The following OR4N2 variants were observed in gnomAD, a reference collection of about 807,000 sequenced individuals.
The protein encoded by OR4N2 is olfactory receptor family 4 subfamily N member 2.
For missense variants in OR4N2, 307 were observed against 377.6 expected, an observed-to-expected ratio of 0.81 and a Z score of 1.55; for synonymous variants, 141 against 140.4, an observed-to-expected ratio of 1.00 and a Z score of -0.03.
chr14:19,820,534 C>T (rs983715835), intron 1 of OR4N2, among the ~76,000 whole-genome samples: 2 of 152,234 alleles, frequency 1.3e-5, no homozygotes, highest in African/African-American at 2.4e-5. Flanking sequence ...CCCACAGCCG[C>T]CCTTCCCCCC....
At chr14:19,806,297 C>A (rs1452254740) in intron 1 of OR4N2, among the ~76,000 whole-genome samples, 1 of 151,750 alleles carries the variant, frequency 6.6e-6, no homozygotes, top group Non-Finnish European at 1.5e-5. Context: ...GATAAAAAGG[C>A]AAGACACCAC....
At chr14:19,808,963 C>T (rs1266483230) in intron 1 of OR4N2, among the ~76,000 whole-genome samples, 1 of 152,188 alleles carries the variant, frequency 6.6e-6, no homozygotes, top group Admixed American at 6.5e-5. Context: ...AGAAATAAAT[C>T]CATGCACTTA....
intron 1 of OR4N2, among the ~76,000 whole-genome samples, chr14:19,811,890 A>G (rs1403945208): frequency 1.3e-5 from 2 of 152,282 alleles, no homozygotes; most frequent in African/African-American, 4.8e-5. Context: ...GATTAGGAAG[A>G]ATGCAAGTAT....
intron 1 of OR4N2, among the ~76,000 whole-genome samples, chr14:19,819,324 A>G (rs1215782585): frequency 5.9e-5 from 9 of 152,242 alleles, no homozygotes; most frequent in African/African-American, 1.9e-4. Context: ...AGGTACACCA[A>G]TCAAACGTAG....
At position 19,806,329 on chromosome 14, in the gene OR4N2, CAA is replaced by C. The variant is rs1201672694; in HGVS notation, c.-10+2486_-10+2487del. Among the ~76,000 whole-genome samples the C allele has an allele frequency of 6.6e-3, 1,002 of 151,814 alleles. 4 individuals are homozygous for C. The highest frequency in any genetic ancestry group is 0.012 in the Non-Finnish European group (785 of 67,668). On this transcript the variant is annotated intron_variant, in intron 1 of 1. Transcript: ENST00000557677. ...CCACTGTCTGTTGTCTTGAAGAGAC[CAA>C]TCTATATGTAATGAAACCCACAGGG...
At chr14:19,819,764 T>A (rs1304577242) in intron 1 of OR4N2, among the ~76,000 whole-genome samples, 2 of 152,262 alleles carry the variant, frequency 1.3e-5, no homozygotes, top group Non-Finnish European at 2.9e-5. Flanking sequence ...AGAAGAGGTG[T>A]TCTGGTTTTT....
intron 1 of OR4N2, among the ~76,000 whole-genome samples, chr14:19,817,569 A>T (rs1019570603): frequency 2.6e-5 from 4 of 151,932 alleles, no homozygotes; most frequent in African/African-American, 9.7e-5. Context: ...TGTCTATTTG[A>T]TTCTTCTTTC....
chr14:19,812,302 CTTTTTTT>C (rs202011658), intron 1 of OR4N2, among the ~76,000 whole-genome samples: 8 of 132,198 alleles, frequency 6.1e-5, no homozygotes, highest in African/African-American at 2.2e-4. Flanking sequence ...TTTGACTTTT[CTTTTTTT>C]TTTTCTTTTC....
chr14:19,820,543 C>T (rs1202515864), intron 1 of OR4N2, among the ~76,000 whole-genome samples: 3 of 152,240 alleles, frequency 2.0e-5, no homozygotes, highest in South Asian at 4.1e-4. Flanking sequence ...GCCCTTCCCC[C>T]CAGGTGCTCT....
chr14:19,820,314 T>C (rs1453090221), intron 1 of OR4N2, among the ~76,000 whole-genome samples: 1 of 152,290 alleles, frequency 6.6e-6, no homozygotes, highest in Non-Finnish European at 1.5e-5. Flanking sequence ...AGTTATTTCT[T>C]GTCTTCTGCT....
intron 1 of OR4N2, among the ~76,000 whole-genome samples, chr14:19,805,798 T>C (rs1315717665): frequency 1.3e-5 from 2 of 152,110 alleles, no homozygotes; most frequent in Non-Finnish European, 1.5e-5. Flanking sequence ...TCACCACAGT[T>C]AATGCAAAAG....
rs765413746 is a variant in OR4N2, at chr14:19,827,736, C to T, written c.288C>T (p.Gly96=). Residue 96 remains glycine, a synonymous_variant, in exon 2 of 2, where the codon GGC becomes GGT. Coordinates refer to ENST00000557677, the MANE Select transcript of OR4N2 (RefSeq NM_001004723.3). ...CGAAGAAGATAATCTCCTACAGAGG[C>T]TGCATCACTCAGCTCTTTTTCTTGC... is the stretch of plus-strand genomic sequence containing the variant. ...LSAKKIISYR[G]CITQLFFLHF... The T allele has an allele frequency of 1.2e-6, 2 of 1,614,268 alleles. No individual in the cohort carries two copies. The highest frequency in any genetic ancestry group is 1.7e-6 in the Non-Finnish European group (2 of 1,180,054).
intron 1 of OR4N2, among the ~76,000 whole-genome samples, chr14:19,804,310 T>G (rs1295839172): frequency 6.6e-6 from 1 of 152,226 alleles, no homozygotes; most frequent in Non-Finnish European, 1.5e-5. Context: ...TTTGAAATCT[T>G]TCCAATCTTC....
Position 19,828,723 on chromosome 14 carries a change from A to G in OR4N2, c.*351A>G. 4.4e-6 allele frequency: 1 copy of G among 229,744 alleles called. No homozygotes were observed. Among genetic ancestry groups the G allele is most frequent in the Non-Finnish European group, 8.7e-6 (1 of 115,506 alleles). 14.2% of individuals were successfully genotyped at this position (229,744 alleles called of 1,614,324 possible). On this transcript the variant is annotated 3_prime_UTR_variant, in exon 2 of 2. Transcript: ENST00000557677. ...AGACCTTGAAGAGCTGACGTTTTGG[A>G]TGATATCTGGATAAACTGAAGAAGG...
At chr14:19,815,475 T>G (rs1879400477) in intron 1 of OR4N2, among the ~76,000 whole-genome samples, 1 of 152,264 alleles carries the variant, frequency 6.6e-6, no homozygotes, top group Non-Finnish European at 1.5e-5. Context: ...TGTCTTCTTT[T>G]GAGAAGTGTC....
chr14:19,817,756 T>G (rs1241896831), intron 1 of OR4N2, among the ~76,000 whole-genome samples: 1 of 152,270 alleles, frequency 6.6e-6, no homozygotes, highest in African/African-American at 2.4e-5. Context: ...CTCTTACTTC[T>G]CTAGTTCTTT....
At chr14:19,827,135 A>T (rs1390599902) in intron 1 of OR4N2, among the ~76,000 whole-genome samples, 1 of 152,274 alleles carries the variant, frequency 6.6e-6, no homozygotes, top group African/African-American at 2.4e-5. Flanking sequence ...GGAAACTTCC[A>T]TGATTTAAGA....
At chr14:19,816,520 T>A (rs1276975536) in intron 1 of OR4N2, among the ~76,000 whole-genome samples, 2 of 152,228 alleles carry the variant, frequency 1.3e-5, no homozygotes, top group Non-Finnish European at 2.9e-5. Context: ...TATAGGAATG[T>A]TTGTAATTTT....
chr14:19,816,435 T>C (rs1331951261), intron 1 of OR4N2, among the ~76,000 whole-genome samples: 3 of 152,258 alleles, frequency 2.0e-5, no homozygotes, highest in South Asian at 2.1e-4. Flanking sequence ...GTTGTATTCC[T>C]AGGTATTTTA....
Sources: allele counts gnomAD v4.1 joint callset (sites outside exome capture counted in the v4.1 genomes callset), GRCh38; gene constraint gnomAD v4.1.1; transcripts MANE v1.5; gene names NCBI Gene and HGNC (gene_info 2026-07-23, HGNC 2026-07-21).